Variants in KCNQ3 observed in about 807,000 individuals in gnomAD.
The protein encoded by KCNQ3 is potassium voltage-gated channel subfamily Q member 3.
A neutral mutation model predicts 92.5 loss-of-function variants in KCNQ3; 30 were observed. The ratio of observed to expected loss-of-function variants is 0.32; its 90% CI spans 0.24 to 0.44. The LOEUF (loss-of-function observed/expected upper bound fraction) is 0.44. Ranked by LOEUF, KCNQ3 falls within the 20% of genes least tolerant of loss-of-function variation. The pLI is 1.00. For synonymous variants in KCNQ3, 450 were observed against 468.8 expected (o/e 0.96, Z 0.52); for missense variants, 913 against 1,140.3 (o/e 0.80, Z 2.87).
chr8:132,211,614 A>G (rs1029630764), intron 1 of KCNQ3, among the ~76,000 whole-genome samples: 3 of 152,174 alleles, frequency 2.0e-5, no homozygotes, highest in African/African-American at 4.8e-5. Flanking sequence ...ATATGCATTC[A>G]TTGTATATAC....
intron 1 of KCNQ3, among the ~76,000 whole-genome samples, chr8:132,213,206 C>A (rs922609167): frequency 6.6e-6 from 1 of 152,180 alleles, no homozygotes; most frequent in Admixed American, 6.5e-5. Flanking sequence ...CCAGCCACTG[C>A]AATTATTTTG....
At chr8:132,442,066 G>T (rs766120014) in intron 1 of KCNQ3, among the ~76,000 whole-genome samples, 1 of 152,114 alleles carries the variant, frequency 6.6e-6, no homozygotes, top group Non-Finnish European at 1.5e-5. Flanking sequence ...CATACACTGC[G>T]GTCTTTCAGA....
At chr8:132,251,208 A>C (rs564840780) in intron 1 of KCNQ3, among the ~76,000 whole-genome samples, 26 of 152,274 alleles carry the variant, frequency 1.7e-4, no homozygotes, top group Admixed American at 5.2e-4. Flanking sequence ...TGGAGGAGGC[A>C]GTGAGCCATG....
chr8:132,227,311 C>T (rs148623943), intron 1 of KCNQ3, among the ~76,000 whole-genome samples: 4,345 of 152,070 alleles, frequency 0.029, 242 homozygotes, highest in African/African-American at 0.098. Context: ...CTTCCCGCCT[C>T]GGCCTCCCAA....
intron 1 of KCNQ3, among the ~76,000 whole-genome samples, chr8:132,457,822 A>G (rs1334698153): frequency 6.6e-6 from 1 of 152,036 alleles, no homozygotes; most frequent in Non-Finnish European, 1.5e-5. Flanking sequence ...GGCAAGACAT[A>G]TTATCCTATT....
intron 1 of KCNQ3, among the ~76,000 whole-genome samples, chr8:132,242,151 A>G (rs948201122): frequency 1.3e-5 from 2 of 152,200 alleles, no homozygotes; most frequent in Non-Finnish European, 2.9e-5. Flanking sequence ...CAAGTACCTC[A>G]TATGTGGGTA....
chr8:132,293,221 T>C (rs181481537), intron 1 of KCNQ3, among the ~76,000 whole-genome samples: 106 of 152,338 alleles, frequency 7.0e-4, no homozygotes, highest in African/African-American at 2.4e-3. Context: ...TGTGAGCTAT[T>C]CTAGCAAATC....
chr8:132,335,646 AG>A (rs1818349540), intron 1 of KCNQ3, among the ~76,000 whole-genome samples: 1 of 152,212 alleles, frequency 6.6e-6, no homozygotes, highest in Admixed American at 6.5e-5. Context: ...AACTGAAAAA[AG>A]GCAATTTCAA....
At chr8:132,397,046 C>T (rs1156972644) in intron 1 of KCNQ3, among the ~76,000 whole-genome samples, 2 of 151,948 alleles carry the variant, frequency 1.3e-5, no homozygotes, top group Non-Finnish European at 2.9e-5. Flanking sequence ...GCCATTTATT[C>T]CCCAAGTGTT....
At chr8:132,306,667 G>A (rs76385002) in intron 1 of KCNQ3, among the ~76,000 whole-genome samples, 1 of 152,356 alleles carries the variant, frequency 6.6e-6, no homozygotes, top group East Asian at 1.9e-4. Context: ...GAGTCAGTAA[G>A]AGTTGGAAGT....
chr8:132,170,281 C>A (rs185759046), intron 8 of KCNQ3, 53 bp downstream of exon 8: 27 of 1,305,230 alleles, frequency 2.1e-5, no homozygotes, highest in Non-Finnish European at 2.7e-5. Context: ...GAATACAGAC[C>A]GCAGGAGAGA....
rs116113489 is a variant in KCNQ3 at position 132,337,714 on chromosome 8, C to A, written c.386+142433G>T. Among the ~76,000 whole-genome samples, 571 of 152,192 alleles carry A rather than the reference C, an allele frequency of 3.8e-3. 7 individuals are homozygous for A. Among genetic ancestry groups the A allele is most frequent in the African/African-American group, 0.013 (539 of 41,528 alleles). ...AGTTTGGAAATCACCATGCACACAC[C>A]ATTGCTACAGGAAAATGCATTTGCC... is the stretch of plus-strand genomic sequence containing the variant. On this transcript the variant is annotated intron_variant, in intron 1 of 14. Coordinates refer to ENST00000388996, the MANE Select transcript of KCNQ3 (RefSeq NM_004519.4).
chr8:132,436,576 A>G (rs1821400677), intron 1 of KCNQ3, among the ~76,000 whole-genome samples: 1 of 152,238 alleles, frequency 6.6e-6, no homozygotes, highest in Non-Finnish European at 1.5e-5. Context: ...TTATTTGTAC[A>G]GGAATCTTCT....
intron 1 of KCNQ3, among the ~76,000 whole-genome samples, chr8:132,204,968 T>A (rs1813610191): frequency 2.0e-5 from 3 of 152,166 alleles, no homozygotes; most frequent in Admixed American, 2.0e-4. Flanking sequence ...CTACAGAGCA[T>A]CTTACATGCA....
rs35090240 is a variant in KCNQ3, at chr8:132,275,581, C to CT, written c.387-89401dup. On this transcript the variant is annotated intron_variant, in intron 1 of 14. Coordinates refer to ENST00000388996, the MANE Select transcript of KCNQ3 (RefSeq NM_004519.4). ...GGATTTTTATGAGCACCAGTGAAAC[C>CT]TTTTTTTTTTTTTTTAGACAGAGTC... 7.5e-4 allele frequency among the ~76,000 whole-genome samples: 106 copies of CT among 141,482 alleles called. 1 individual carries two copies. The highest frequency in any genetic ancestry group is 1.1e-3 in the African/African-American group (42 of 38,222). The allele number at this position is 141,482 out of a possible 152,430, so 92.8% of individuals were successfully genotyped here.
At chr8:132,174,782 G>A (rs1342032395) in intron 5 of KCNQ3, among the ~76,000 whole-genome samples, 5 of 152,194 alleles carry the variant, frequency 3.3e-5, no homozygotes, top group East Asian at 1.9e-4. Context: ...ACATGTTTAT[G>A]TTATCAGTAT....
chr8:132,415,838 A>G (rs1313438530), intron 1 of KCNQ3, among the ~76,000 whole-genome samples: 3 of 152,204 alleles, frequency 2.0e-5, no homozygotes, highest in Non-Finnish European at 4.4e-5. Context: ...TGGCATGAAA[A>G]TTTCATGGGA....
chr8:132,286,035 T>C (rs1485685412), intron 1 of KCNQ3, among the ~76,000 whole-genome samples: 1 of 152,188 alleles, frequency 6.6e-6, no homozygotes, highest in Non-Finnish European at 1.5e-5. Context: ...TATGGAAGCA[T>C]GGCTTTCTCT....
At chr8:132,392,001 T>G (rs1356306616) in intron 1 of KCNQ3, among the ~76,000 whole-genome samples, 3 of 152,022 alleles carry the variant, frequency 2.0e-5, no homozygotes, top group African/African-American at 4.8e-5. Context: ...CCTGTGGGGG[T>G]GTGTGCTCAT....
Sources: gnomAD v4.1 joint callset for allele counts (sites outside exome capture counted in the v4.1 genomes callset) on GRCh38, gnomAD v4.1.1 for gene constraint, MANE v1.5 for transcripts, NCBI Gene and HGNC (gene_info 2026-07-23, HGNC 2026-07-21) for gene names.